Variants in GABRG3 observed in about 807,000 individuals in gnomAD.
GABRG3 encodes gamma-aminobutyric acid receptor subunit gamma-3.
GABRG3 carries 25 observed loss-of-function variants against 48.8 expected under a neutral mutation model. The ratio of observed to expected loss-of-function variants is 0.51; its 90% confidence interval spans 0.37 to 0.72. GABRG3 has a LOEUF of 0.72. Among genes scored for constraint, GABRG3 ranks in the 30% least tolerant of loss-of-function variants. GABRG3 has a pLI of 0.00. For synonymous variants in GABRG3, 227 were observed against 217.6 expected, an observed-to-expected ratio of 1.04 and a Z score of -0.38; for missense variants, 394 against 577.9, an observed-to-expected ratio of 0.68 and a Z score of 3.26.
chr15:27,253,091 G>A (rs765579669), intron 3 of GABRG3, among the ~76,000 whole-genome samples: 9 of 152,186 alleles, frequency 5.9e-5, no homozygotes, highest in Non-Finnish European at 8.8e-5. Context: ...CTCACAGAAC[G>A]AACACGGAAC....
chr15:27,087,091 C>G (rs1944520632), intron 3 of GABRG3, among the ~76,000 whole-genome samples: 1 of 152,250 alleles, frequency 6.6e-6, no homozygotes, highest in South Asian at 2.1e-4. Flanking sequence ...CTTGGCTGGA[C>G]TGACTGGAGA....
At chr15:27,329,645 G>A (rs1347637346) in intron 5 of GABRG3, among the ~76,000 whole-genome samples, 1 of 152,074 alleles carries the variant, frequency 6.6e-6, no homozygotes, top group African/African-American at 2.4e-5. Flanking sequence ...ACTTATATTT[G>A]TCTCATTGAA....
chr15:27,474,360 T>C (rs1753751764), intron 5 of GABRG3, among the ~76,000 whole-genome samples: 1 of 152,156 alleles, frequency 6.6e-6, no homozygotes, highest in African/African-American at 2.4e-5. Context: ...AAGATAAATA[T>C]AGAAATTAAT....
At chr15:27,442,332 A>C (rs751017282) in intron 5 of GABRG3, among the ~76,000 whole-genome samples, 6 of 152,246 alleles carry the variant, frequency 3.9e-5, no homozygotes, top group Non-Finnish European at 5.9e-5. Flanking sequence ...GATGCACTCC[A>C]TACCCACAGC....
chr15:27,530,907 G>T, intron 9 of GABRG3: 2 of 333,220 alleles, frequency 6.0e-6, no homozygotes, highest in Non-Finnish European at 1.2e-5. Context: ...TGTTAATAAA[G>T]GCAGATCTTT....
intron 6 of GABRG3, among the ~76,000 whole-genome samples, chr15:27,493,762 G>A (rs1890414961): frequency 6.6e-6 from 1 of 152,176 alleles, no homozygotes; most frequent in Admixed American, 6.5e-5. Flanking sequence ...TATGAAAAAT[G>A]AAGTAACGCC....
At chr15:27,047,570 A>C (rs1454614665) in intron 3 of GABRG3, among the ~76,000 whole-genome samples, 1 of 152,242 alleles carries the variant, frequency 6.6e-6, no homozygotes, top group Admixed American at 6.5e-5. Flanking sequence ...TTGTTTAGTG[A>C]ATAAGAAAGG....
intron 3 of GABRG3, among the ~76,000 whole-genome samples, chr15:27,303,894 C>G (rs1892302863): frequency 6.6e-6 from 1 of 151,190 alleles, no homozygotes; most frequent in Non-Finnish European, 1.5e-5. Flanking sequence ...ATACAAAGCA[C>G]CAAGTGGAAT....
At chr15:27,284,047 G>T (rs918857165) in intron 3 of GABRG3, among the ~76,000 whole-genome samples, 2 of 152,028 alleles carry the variant, frequency 1.3e-5, no homozygotes, top group Admixed American at 1.3e-4. Flanking sequence ...GGGGTGCAAG[G>T]GGGGAGGCAG....
intron 3 of GABRG3, among the ~76,000 whole-genome samples, chr15:27,268,855 G>A (rs1595625420): frequency 6.6e-6 from 1 of 151,874 alleles, no homozygotes; most frequent in African/African-American, 2.4e-5. Flanking sequence ...CTTCCCCCTG[G>A]GTGTTCCTTT....
At chr15:27,167,299 A>G (rs1024544402) in intron 3 of GABRG3, among the ~76,000 whole-genome samples, 1 of 152,148 alleles carries the variant, frequency 6.6e-6, no homozygotes, top group Non-Finnish European at 1.5e-5. Flanking sequence ...CCTTTAGAGC[A>G]CTTGGCCATT....
intron 3 of GABRG3, among the ~76,000 whole-genome samples, chr15:27,261,934 A>T (rs962948970): frequency 6.6e-6 from 1 of 152,124 alleles, no homozygotes; most frequent in Non-Finnish European, 1.5e-5. Context: ...GCTGCATCTT[A>T]TGTATGCCCA....
chr15:27,078,021 C>T (rs1165088751), intron 3 of GABRG3, among the ~76,000 whole-genome samples: 1 of 152,218 alleles, frequency 6.6e-6, no homozygotes, highest in African/African-American at 2.4e-5. Flanking sequence ...CTCTGTGATG[C>T]TGGCTGGACA....
At chr15:27,383,265 C>T (rs1331522029) in intron 5 of GABRG3, among the ~76,000 whole-genome samples, 1 of 152,148 alleles carries the variant, frequency 6.6e-6, no homozygotes, top group African/African-American at 2.4e-5. Context: ...ACTTATTTGT[C>T]ATGAGAGTAT....
chr15:27,307,679 A>G (rs1370031564), intron 3 of GABRG3, among the ~76,000 whole-genome samples: 21 of 129,852 alleles, frequency 1.6e-4, no homozygotes, highest in African/African-American at 5.7e-4. Flanking sequence ...ATATATAAAC[A>G]TAGGTTTATG....
At chr15:27,195,669 CTG>C (rs1312294988) in intron 3 of GABRG3, among the ~76,000 whole-genome samples, 2 of 150,624 alleles carry the variant, frequency 1.3e-5, no homozygotes, top group Admixed American at 6.6e-5. Context: ...GAGTCTCACT[CTG>C]TTCTCTAGGC....
intron 3 of GABRG3, among the ~76,000 whole-genome samples, chr15:27,249,345 C>A (rs991975230): frequency 6.6e-6 from 1 of 152,210 alleles, no homozygotes; most frequent in Non-Finnish European, 1.5e-5. Context: ...CCCCAGATTT[C>A]CTCCGCAATC....
At position 27,092,725 on chromosome 15, in the gene GABRG3, G is replaced by T. The variant is rs143548885; in HGVS notation, c.270+65904G>T. 4.6e-3 allele frequency among the ~76,000 whole-genome samples: 696 copies of T among 152,302 alleles called. 6 individuals are homozygous for T. Among genetic ancestry groups the T allele is most frequent in the African/African-American group, 0.016 (650 of 41,564 alleles). ...CTTTGTGTGCAAGTTGAATTACAGA[G>T]TTTTCAGAACAGGAAGGGCGGGACC... On this transcript the variant is annotated intron_variant, in intron 3 of 9. Coordinates refer to ENST00000615808, the MANE Select transcript of GABRG3 (RefSeq NM_033223.5).
chr15:27,145,890 A>T (rs1898200209), intron 3 of GABRG3, among the ~76,000 whole-genome samples: 1 of 152,046 alleles, frequency 6.6e-6, no homozygotes, highest in South Asian at 2.1e-4. Flanking sequence ...TGTACAAGGG[A>T]TCCTCAGTAA....
Sources: allele counts gnomAD v4.1 joint callset (sites outside exome capture counted in the v4.1 genomes callset), GRCh38; gene constraint gnomAD v4.1.1; transcripts MANE v1.5; gene names NCBI Gene and HGNC (gene_info 2026-07-23, HGNC 2026-07-21).